The following TMEM74 variants were observed in gnomAD, a reference collection of about 807,000 sequenced individuals.
The protein encoded by TMEM74 is transmembrane protein 74.
A neutral mutation model predicts 18.1 loss-of-function variants in TMEM74; 13 were observed. The observed-to-expected ratio is 0.72, with a 90% CI of 0.47 to 1.14. The LOEUF is 1.14. TMEM74 is among the 50% of genes most tolerant of loss of function. The pLI is 0.00. For synonymous variants in TMEM74, 159 were observed against 146.6 expected, an observed-to-expected ratio of 1.08 and a Z score of -0.61; for missense variants, 372 against 375.9, an observed-to-expected ratio of 0.99 and a Z score of 0.09.
At chr8:108,621,736 T>C (rs1812442262) in intron 2 of TMEM74, among the ~76,000 whole-genome samples, 1 of 152,188 alleles carries the variant, frequency 6.6e-6, no homozygotes. Flanking sequence ...ATCATCTTTG[T>C]TACTAGTTGG....
intron 1 of TMEM74, among the ~76,000 whole-genome samples, chr8:108,698,419 T>C (rs550153230): frequency 1.5e-3 from 230 of 152,350 alleles, no homozygotes; most frequent in Middle Eastern, 3.4e-3. Flanking sequence ...TTGAACTCTC[T>C]AGGAAACAGT....
At chr8:108,699,175 TC>T (rs1813310896) in intron 1 of TMEM74, among the ~76,000 whole-genome samples, 1 of 75,776 alleles carries the variant, frequency 1.3e-5, no homozygotes, top group African/African-American at 5.2e-5. Flanking sequence ...CTTCCTTCCT[TC>T]CTTCCTTCCT....
chr8:108,655,124 A>T (rs1812809137), intron 2 of TMEM74, among the ~76,000 whole-genome samples: 1 of 152,146 alleles, frequency 6.6e-6, no homozygotes, highest in Admixed American at 6.6e-5. Flanking sequence ...TTAGAAGTGG[A>T]AAGCTACATT....
At chr8:108,714,264 G>C (rs1813501728) in intron 1 of TMEM74, among the ~76,000 whole-genome samples, 1 of 152,156 alleles carries the variant, frequency 6.6e-6, no homozygotes, top group South Asian at 2.1e-4. Context: ...AAAATGTATA[G>C]ATATTCTAGA....
At chr8:108,742,562 A>G (rs1315495347) in intron 1 of TMEM74, among the ~76,000 whole-genome samples, 4 of 152,120 alleles carry the variant, frequency 2.6e-5, no homozygotes, top group African/African-American at 9.7e-5. Flanking sequence ...AAGTTGCCTC[A>G]TTTCTTCTGT....
At chr8:108,682,492 T>C (rs117292849) in intron 1 of TMEM74, among the ~76,000 whole-genome samples, 1,729 of 152,220 alleles carry the variant, frequency 0.011, 18 homozygotes, top group Middle Eastern at 0.044. Flanking sequence ...TCTTCCACCA[T>C]ATTGTAAGCC....
rs1224274519 is a variant in TMEM74 at position 108,736,079 on chromosome 8, T to A, written n.119+51397A>T. On this transcript the variant is annotated intron_variant and non_coding_transcript_variant, in intron 1 of 3. Coordinates refer to the TMEM74 transcript ENST00000518838. Reference sequence around the variant, plus strand: ...TAAACAACTTTCTAGTTTGACATCATTGAAAAATCCCTAGTTTCTAACCTC... The same window carrying A: ...TAAACAACTTTCTAGTTTGACATCAATGAAAAATCCCTAGTTTCTAACCTC... Among the ~76,000 whole-genome samples the A allele has an allele frequency of 8.5e-5, 13 of 152,156 alleles. No homozygotes were observed. The South Asian group carries it at 2.7e-3, about 32-fold the overall frequency.
intron 1 of TMEM74, among the ~76,000 whole-genome samples, chr8:108,664,797 G>T (rs1272907836): frequency 3.3e-5 from 5 of 152,008 alleles, no homozygotes; most frequent in Non-Finnish European, 5.9e-5. Flanking sequence ...TGCTCAATGT[G>T]AGGGTAATAG....
chr8:108,650,282 G>A (rs573002156), intron 2 of TMEM74, among the ~76,000 whole-genome samples: 1 of 152,214 alleles, frequency 6.6e-6, no homozygotes, highest in South Asian at 2.1e-4. Context: ...TTCTTGTTTG[G>A]ATTATTTCAA....
chr8:108,657,992 T>G (rs567186318), intron 1 of TMEM74, among the ~76,000 whole-genome samples: 2 of 142,098 alleles, frequency 1.4e-5, no homozygotes, highest in South Asian at 2.2e-4. Flanking sequence ...GGAACAAGAG[T>G]CTGGTAGACA....
At chr8:108,769,358 C>CT (rs1476723962) in intron 1 of TMEM74, among the ~76,000 whole-genome samples, 1 of 152,012 alleles carries the variant, frequency 6.6e-6, no homozygotes, top group Non-Finnish European at 1.5e-5. Flanking sequence ...CATCATAGAT[C>CT]TTCAAAGTCC....
intron 1 of TMEM74, among the ~76,000 whole-genome samples, chr8:108,743,898 G>A (rs556823841): frequency 7.2e-5 from 11 of 152,172 alleles, no homozygotes; most frequent in South Asian, 2.1e-4. Context: ...GAAAATGTGG[G>A]GGAAGATGTG....
chr8:108,712,264 C>T (rs181232346), intron 1 of TMEM74, among the ~76,000 whole-genome samples: 9 of 152,110 alleles, frequency 5.9e-5, no homozygotes, highest in East Asian at 5.8e-4. Context: ...TTTAGGGATA[C>T]GCTGCACATG....
chr8:108,677,701 T>C (rs1159270650), intron 1 of TMEM74, among the ~76,000 whole-genome samples: 1 of 152,154 alleles, frequency 6.6e-6, no homozygotes, highest in African/African-American at 2.4e-5. Flanking sequence ...TGACAAGTAA[T>C]GACAGTTATT....
chr8:108,709,235 C>T (rs1003276357), intron 1 of TMEM74, among the ~76,000 whole-genome samples: 4 of 152,164 alleles, frequency 2.6e-5, no homozygotes, highest in African/African-American at 9.7e-5. Context: ...CTCCCATGTT[C>T]ATTGCACCAT....
chr8:108,731,908 G>A (rs1383497452), intron 1 of TMEM74, among the ~76,000 whole-genome samples: 3 of 151,632 alleles, frequency 2.0e-5, no homozygotes, highest in South Asian at 2.1e-4. Flanking sequence ...AGGAAGGGAA[G>A]TATGGAAAAA....
intron 1 of TMEM74, among the ~76,000 whole-genome samples, chr8:108,666,759 G>T (rs1048079695): frequency 6.6e-6 from 1 of 152,024 alleles, no homozygotes; most frequent in African/African-American, 2.4e-5. Flanking sequence ...GGTTTTAAAG[G>T]CCCAGTGGCT....
At chr8:108,623,096 T>G (rs907460427) in intron 2 of TMEM74, among the ~76,000 whole-genome samples, 1 of 152,102 alleles carries the variant, frequency 6.6e-6, no homozygotes, top group African/African-American at 2.4e-5. Context: ...GAAAAAAAAC[T>G]AACCAACTCA....
At chr8:108,753,935 A>G (rs761587161) in intron 1 of TMEM74, among the ~76,000 whole-genome samples, 17 of 152,042 alleles carry the variant, frequency 1.1e-4, no homozygotes, top group Non-Finnish European at 1.5e-4. Context: ...TGGATCTCAA[A>G]CTTCAGAATG....
Sources: gnomAD v4.1 joint callset for allele counts (sites outside exome capture counted in the v4.1 genomes callset) on GRCh38, gnomAD v4.1.1 for gene constraint, MANE v1.5 for transcripts, NCBI Gene and HGNC (gene_info 2026-07-23, HGNC 2026-07-21) for gene names.